Variants in RELL1 observed in about 807,000 individuals in gnomAD.
RELL1 encodes RELT-like protein 1.
Under a neutral mutation model 23.0 loss-of-function variants are expected in RELL1, and 10 were observed. The observed-to-expected ratio is 0.43, with a 90% confidence interval of 0.27 to 0.74. The LOEUF (loss-of-function observed/expected upper bound fraction) is 0.74, where lower values mean the gene tolerates loss of function less well. Among genes scored for constraint, RELL1 ranks in the 30% least tolerant of loss-of-function variants. RELL1 has a pLI of 0.19. For missense variants in RELL1, 315 were observed against 364.4 expected (o/e 0.86, Z 1.10); for synonymous variants, 146 against 146.8 (o/e 0.99, Z 0.04).
intron 1 of RELL1, among the ~76,000 whole-genome samples, chr4:37,668,949 T>G (rs1721654971): frequency 6.9e-6 from 1 of 145,706 alleles, no homozygotes; most frequent in African/African-American, 2.6e-5. Context: ...GCAACCGCCC[T>G]GTCTGAGAGG....
chr4:37,655,216 C>A (rs1403835040), intron 1 of RELL1, among the ~76,000 whole-genome samples: 1 of 150,712 alleles, frequency 6.6e-6, no homozygotes, highest in Admixed American at 6.6e-5. Flanking sequence ...ACATAGTGGA[C>A]ATTGGACCCA....
chr4:37,658,650 T>C (rs1004085192), intron 1 of RELL1, among the ~76,000 whole-genome samples: 1 of 152,226 alleles, frequency 6.6e-6, no homozygotes, highest in Non-Finnish European at 1.5e-5. Flanking sequence ...TTACTCTCAG[T>C]GTCTGCATAC....
Position 37,624,929 on chromosome 4 carries a change from G to A in RELL1, c.*3+6456C>T, listed in dbSNP as rs184419679. The stretch of plus-strand genomic sequence containing the variant: ...ATAAATAATTAAGACCACCAGCCAT[G>A]ACAATTGTTAACAGCAGTGAATGTT... On this transcript the variant is annotated intron_variant, in intron 6 of 6. Transcript: ENST00000454158. Among the ~76,000 whole-genome samples the A allele has an allele frequency of 7.0e-4, 106 of 152,326 alleles. 1 individual carries two copies. Among genetic ancestry groups the A allele is most frequent in the African/African-American group, 2.4e-3 (101 of 41,564 alleles).
chr4:37,670,910 T>C (rs1721813259), intron 1 of RELL1, among the ~76,000 whole-genome samples: 1 of 152,226 alleles, frequency 6.6e-6, no homozygotes, highest in Non-Finnish European at 1.5e-5. Flanking sequence ...TGAGCCTTTA[T>C]CTTCTAAATA....
intron 3 of RELL1, among the ~76,000 whole-genome samples, chr4:37,642,529 A>C (rs1720564837): frequency 6.6e-6 from 1 of 152,198 alleles, no homozygotes. Context: ...GTGTGGCATA[A>C]TATGCAACAG....
At chr4:37,625,213 T>C (rs1372660058) in intron 6 of RELL1, among the ~76,000 whole-genome samples, 2 of 152,212 alleles carry the variant, frequency 1.3e-5, no homozygotes, top group South Asian at 2.1e-4. Flanking sequence ...AGATGTCTAA[T>C]ATTATGAATT....
chr4:37,673,430 G>A (rs1013438968), intron 1 of RELL1, among the ~76,000 whole-genome samples: 4 of 151,976 alleles, frequency 2.6e-5, no homozygotes, highest in South Asian at 2.1e-4. Flanking sequence ...GGCCTCAAGC[G>A]ATCCTCCTGC....
intron 6 of RELL1, among the ~76,000 whole-genome samples, chr4:37,596,584 A>C (rs571153579): frequency 6.6e-6 from 1 of 151,044 alleles, no homozygotes; most frequent in South Asian, 2.1e-4. Flanking sequence ...AAGTAACAAC[A>C]TATCAGAGCA....
Position 37,635,120 on chromosome 4 carries a change from G to C in RELL1, c.447C>G (p.Pro149=), listed in dbSNP as rs374072265. Residue 149 remains proline, a synonymous_variant, in exon 5 of 7, where the codon CCC becomes CCG. Transcript: ENST00000454158. The part of the protein sequence containing the change: ...ADNSLYDPES[P]VTPSTPGSPP... Reference sequence around the variant, plus strand: ...GGCTCCCTGGTGTGCTGGGGGTCACGGGGCTAATGTGGGGAGGAAAACAAA... The same window carrying C: ...GGCTCCCTGGTGTGCTGGGGGTCACCGGGCTAATGTGGGGAGGAAAACAAA... 1.6e-5 allele frequency: 26 copies of C among 1,613,556 alleles called. No individual in the cohort carries two copies. The highest frequency in any genetic ancestry group is 1.3e-4 in the South Asian group (12 of 91,074).
chr4:37,607,940 A>T (rs1266846605), downstream of RELL1, among the ~76,000 whole-genome samples: 2 of 152,094 alleles, frequency 1.3e-5, no homozygotes, highest in African/African-American at 4.8e-5. Context: ...TGTGTCACAT[A>T]TGGGTAATTC....
chr4:37,591,131 A>G (rs1453110153), exon 7 of RELL1: 4 of 709,268 alleles, frequency 5.6e-6, no homozygotes, highest in South Asian at 3.7e-5. Context: ...TACATCCAGC[A>G]TCTGTTCTGA....
chr4:37,665,281 C>T (rs1454020376), intron 1 of RELL1: 2 of 456,134 alleles, frequency 4.4e-6, no homozygotes, highest in Admixed American at 2.3e-5. Context: ...CTGATACACC[C>T]CACTGCTTCA....
Position 37,636,550 on chromosome 4 carries a change from G to A in RELL1, c.444-1427C>T, listed in dbSNP as rs74703399. Among the ~76,000 whole-genome samples the A allele has an allele frequency of 1.1e-4, 17 of 149,982 alleles. No homozygotes were observed. The South Asian group carries it at 2.1e-3, about 19-fold the overall frequency. On this transcript the variant is annotated intron_variant, in intron 4 of 6. Transcript: ENST00000454158. ...GCGGAGCTTGCAGTGAGCCTAGATC[G>A]CGCCACTGCACTCCAGCCTGGGTGA...
At chr4:37,627,945 CAG>C (rs1426484799) in intron 6 of RELL1, among the ~76,000 whole-genome samples, 1 of 152,068 alleles carries the variant, frequency 6.6e-6, no homozygotes, top group Admixed American at 6.6e-5. Flanking sequence ...CGTCTAGAAC[CAG>C]AGAGTCTGGC....
At chr4:37,622,398 A>C (rs1037273207) in intron 6 of RELL1, among the ~76,000 whole-genome samples, 1 of 152,262 alleles carries the variant, frequency 6.6e-6, no homozygotes, top group African/African-American at 2.4e-5. Context: ...AGGGATTAGC[A>C]GGATAAAAAT....
At chr4:37,615,635 CTT>C (rs1719550707) in intron 6 of RELL1, among the ~76,000 whole-genome samples, 1 of 152,174 alleles carries the variant, frequency 6.6e-6, no homozygotes, top group Non-Finnish European at 1.5e-5. Flanking sequence ...GCCTATCTCT[CTT>C]CGGGAGAAAT....
At chr4:37,645,046 A>G (rs1720662642) in intron 3 of RELL1, among the ~76,000 whole-genome samples, 1 of 152,200 alleles carries the variant, frequency 6.6e-6, no homozygotes, top group Non-Finnish European at 1.5e-5. Flanking sequence ...CATCCCTGGA[A>G]AGCCCACAGA....
chr4:37,682,910 G>GAA (rs758602960), intron 1 of RELL1, among the ~76,000 whole-genome samples: 2 of 152,210 alleles, frequency 1.3e-5, no homozygotes, highest in African/African-American at 2.4e-5. Context: ...GTCTGAGAGA[G>GAA]AAACTAATAA....
intron 6 of RELL1, among the ~76,000 whole-genome samples, chr4:37,604,812 CACACACACAGACACACACATACACACAG>C (rs1719119126): frequency 1.9e-5 from 1 of 52,040 alleles, no homozygotes; most frequent in Non-Finnish European, 4.1e-5. Context: ...CACACACAGA[CACACACACAGACACACACATACACACAG>C]ACACACACAC....
Sources: gnomAD v4.1 joint callset for allele counts (sites outside exome capture counted in the v4.1 genomes callset) on GRCh38, gnomAD v4.1.1 for gene constraint, MANE v1.5 for transcripts, NCBI Gene and HGNC (gene_info 2026-07-23, HGNC 2026-07-21) for gene names.